Variants in CCDC172 observed in about 807,000 individuals in gnomAD.
CCDC172 encodes coiled-coil domain-containing protein 172.
CCDC172 carries 30 observed loss-of-function variants against 38.0 expected under a neutral mutation model. The ratio of observed to expected loss-of-function variants is 0.79; its 90% CI spans 0.59 to 1.07. The LOEUF (loss-of-function observed/expected upper bound fraction) is 1.07, where lower values mean the gene tolerates loss of function less well. CCDC172 is among the 50% of genes least tolerant of loss of function. CCDC172 has a pLI of 0.00. For synonymous variants in CCDC172, 78 were observed against 88.3 expected (o/e 0.88, Z 0.66); for missense variants, 297 against 290.1 (o/e 1.02, Z -0.17).
intron 8 of CCDC172, among the ~76,000 whole-genome samples, chr10:116,378,769 T>G (rs770562322): frequency 1.3e-5 from 2 of 152,142 alleles, no homozygotes; most frequent in African/African-American, 2.4e-5. Context: ...AAAGCAACTT[T>G]AGATCTGACC....
At chr10:116,346,104 C>T (rs1461706895) in intron 5 of CCDC172, among the ~76,000 whole-genome samples, 2 of 151,828 alleles carry the variant, frequency 1.3e-5, no homozygotes, top group Non-Finnish European at 2.9e-5. Flanking sequence ...ACCAGCCTGG[C>T]CAACATAGTG....
rs114335338 is a variant in CCDC172, at chr10:116,379,692, C to A, written c.*334C>A. ...CTAATCTATATAATATGGTTTGGAT[C>A]TGTGTCCATGCCCAAATCTCATGTT... On this transcript the variant is annotated 3_prime_UTR_variant, in exon 9 of 9. Transcript: ENST00000333254. 143 of 175,366 alleles carry A rather than the reference C, an allele frequency of 8.2e-4. No homozygotes were observed. Among genetic ancestry groups the A allele is most frequent in the Middle Eastern group, 2.4e-3 (1 of 412 alleles). The allele number at this position is 175,366 out of a possible 1,614,324, so 10.9% of individuals were successfully genotyped here.
chr10:116,343,630 T>C (rs1844828254), intron 5 of CCDC172, among the ~76,000 whole-genome samples: 1 of 152,064 alleles, frequency 6.6e-6, no homozygotes, highest in Non-Finnish European at 1.5e-5. Flanking sequence ...TTACTGCCTC[T>C]GTCCATTTCA....
At chr10:116,339,879 T>G (rs1323749560) in intron 3 of CCDC172, among the ~76,000 whole-genome samples, 2 of 151,982 alleles carry the variant, frequency 1.3e-5, no homozygotes, top group Admixed American at 6.6e-5. Flanking sequence ...GAAGTTCTTA[T>G]AACTACCATA....
rs1844805725 is a variant in CCDC172 at position 116,342,273 on chromosome 10, A to C, written c.448+72A>C. On this transcript the variant is annotated intron_variant, in intron 5 of 8. Coordinates refer to ENST00000333254, the MANE Select transcript of CCDC172 (RefSeq NM_198515.3). ...TTATTTTGAATGAATGAATTTTCCA[A>C]AAATTTAACTTTTTCATGAGCAAAT... 5.7e-6 allele frequency: 8 copies of C among 1,398,914 alleles called. No individual in the cohort carries two copies. In the South Asian group the frequency reaches 1.0e-4, roughly 18 times the overall value. 86.7% of individuals were successfully genotyped at this position (1,398,914 alleles called of 1,614,324 possible). A position where few individuals can be genotyped will look rare whatever the true frequency, so the allele number is the denominator to read the frequency against.
intron 7 of CCDC172, among the ~76,000 whole-genome samples, chr10:116,374,233 G>A (rs1339693746): frequency 6.6e-6 from 1 of 152,010 alleles, no homozygotes; most frequent in Non-Finnish European, 1.5e-5. Flanking sequence ...AGTGATGCTG[G>A]CAATTCATAT....
At chr10:116,326,127 C>T (rs1229748019) in intron 3 of CCDC172, among the ~76,000 whole-genome samples, 3 of 152,084 alleles carry the variant, frequency 2.0e-5, no homozygotes, top group Non-Finnish European at 4.4e-5. Flanking sequence ...GTTTAGGTAG[C>T]CTAGTATGGT....
At chr10:116,359,508 C>T (rs1286323373) in intron 7 of CCDC172, among the ~76,000 whole-genome samples, 1 of 152,126 alleles carries the variant, frequency 6.6e-6, no homozygotes, top group Non-Finnish European at 1.5e-5. Flanking sequence ...TTGTCGGGGG[C>T]TGTTCAATGC....
intron 7 of CCDC172, among the ~76,000 whole-genome samples, chr10:116,365,686 A>T (rs1845114472): frequency 6.6e-6 from 1 of 152,176 alleles, no homozygotes; most frequent in Non-Finnish European, 1.5e-5. Flanking sequence ...CTAAAAGTTC[A>T]GACAGAACAC....
intron 5 of CCDC172, among the ~76,000 whole-genome samples, chr10:116,350,834 G>A (rs1469403017): frequency 6.6e-6 from 1 of 152,016 alleles, no homozygotes. Context: ...GAACATTGTG[G>A]GTTTTAGGCC....
chr10:116,342,999 G>A (rs534763543), intron 5 of CCDC172, among the ~76,000 whole-genome samples: 1 of 151,812 alleles, frequency 6.6e-6, no homozygotes, highest in African/African-American at 2.4e-5. Context: ...ACCCAGTCTC[G>A]GGTAGTTCTT....
intron 7 of CCDC172, among the ~76,000 whole-genome samples, chr10:116,361,256 A>G (rs1845061589): frequency 6.6e-6 from 1 of 152,054 alleles, no homozygotes; most frequent in South Asian, 2.1e-4. Flanking sequence ...AAGTGTTAAG[A>G]TTACAGGCGT....
At chr10:116,343,422 T>C (rs1844821303) in intron 5 of CCDC172, among the ~76,000 whole-genome samples, 1 of 152,076 alleles carries the variant, frequency 6.6e-6, no homozygotes, top group Non-Finnish European at 1.5e-5. Context: ...GGACATTCCT[T>C]GATTAGGACT....
chr10:116,362,472 A>G (rs1378324857), intron 7 of CCDC172, among the ~76,000 whole-genome samples: 1 of 152,212 alleles, frequency 6.6e-6, no homozygotes, highest in African/African-American at 2.4e-5. Flanking sequence ...CACTTTTATA[A>G]ATGTATCCTT....
intron 5 of CCDC172, among the ~76,000 whole-genome samples, chr10:116,349,205 A>C (rs1418323311): frequency 6.6e-6 from 1 of 152,168 alleles, no homozygotes; most frequent in East Asian, 1.9e-4. Flanking sequence ...CAGGGATCCC[A>C]CTGATTCTAC....
intron 5 of CCDC172, among the ~76,000 whole-genome samples, chr10:116,354,055 A>C (rs933886532): frequency 2.0e-5 from 3 of 152,234 alleles, no homozygotes; most frequent in African/African-American, 7.2e-5. Context: ...ACCACATAAC[A>C]GCATTTCAGT....
At chr10:116,375,358 C>T (rs1171090038) in intron 7 of CCDC172, among the ~76,000 whole-genome samples, 1 of 151,974 alleles carries the variant, frequency 6.6e-6, no homozygotes, top group East Asian at 1.9e-4. Flanking sequence ...AGATTTGTTA[C>T]ATAGGTATAC....
intron 7 of CCDC172, among the ~76,000 whole-genome samples, chr10:116,369,526 T>C (rs1418487525): frequency 6.6e-6 from 1 of 152,154 alleles, no homozygotes. Context: ...CTGGAATTCA[T>C]TTTGTAATAG....
chr10:116,377,011 G>A (rs371258009), intron 7 of CCDC172, among the ~76,000 whole-genome samples: 14 of 151,808 alleles, frequency 9.2e-5, no homozygotes, highest in East Asian at 1.9e-4. Flanking sequence ...AAGAAAAACC[G>A]AAAATACAAA....
Sources: allele counts gnomAD v4.1 joint callset (sites outside exome capture counted in the v4.1 genomes callset), GRCh38; gene constraint gnomAD v4.1.1; transcripts MANE v1.5; gene names NCBI Gene and HGNC (gene_info 2026-07-23, HGNC 2026-07-21).